The following NEK5 variants were observed in gnomAD, a reference collection of about 807,000 sequenced individuals.
The protein encoded by NEK5 is NIMA related kinase 5.
NEK5 carries 88 observed loss-of-function variants against 109.2 expected under a neutral mutation model. The ratio of observed to expected loss-of-function variants is 0.81; its 90% CI spans 0.68 to 0.96. NEK5 has a LOEUF of 0.96. Among genes scored for constraint, NEK5 ranks in the 40% least tolerant of loss-of-function variants. NEK5 has a pLI of 0.00. For missense variants in NEK5, 834 were observed against 920.7 expected (o/e 0.91, Z 1.22); for synonymous variants, 283 against 299.9 (o/e 0.94, Z 0.58).
rs902098431 is a variant in NEK5 at position 52,099,387 on chromosome 13, C to T, written c.1026+356G>A. ...CTCTACTAAAAGTATAAAAATTAGCCGGGGCCGGGCGCCATGGCTCACACC... is the reference window on the plus strand; with the variant it reads ...CTCTACTAAAAGTATAAAAATTAGCTGGGGCCGGGCGCCATGGCTCACACC... On this transcript the variant is annotated intron_variant, in intron 12 of 23. Coordinates refer to ENST00000684899, the MANE Select transcript of NEK5 (RefSeq NM_001365552.1). Among the ~76,000 whole-genome samples, 14 of 151,690 alleles carry T rather than the reference C, an allele frequency of 9.2e-5. No homozygotes were observed. The East Asian group carries it at 2.1e-3, about 23-fold the overall frequency.
chr13:52,111,215 T>C (rs750235125), intron 5 of NEK5, among the ~76,000 whole-genome samples: 1 of 152,164 alleles, frequency 6.6e-6, no homozygotes, highest in Non-Finnish European at 1.5e-5. Context: ...ATTCTAAAAT[T>C]TCACTGGTTC....
chr13:52,062,556 G>T (rs1954622552), intron 21 of NEK5, among the ~76,000 whole-genome samples: 1 of 151,978 alleles, frequency 6.6e-6, no homozygotes, highest in South Asian at 2.1e-4. Flanking sequence ...GAGTAGCTGG[G>T]ATTACAGGTG....
chr13:52,071,009 G>A (rs1954775187), intron 20 of NEK5, among the ~76,000 whole-genome samples: 1 of 152,140 alleles, frequency 6.6e-6, no homozygotes, highest in Non-Finnish European at 1.5e-5. Flanking sequence ...CCAGAAGGTG[G>A]CAGCAACAGC....
intron 23 of NEK5, among the ~76,000 whole-genome samples, chr13:52,040,505 C>G (rs1405694443): frequency 6.6e-6 from 1 of 152,162 alleles, no homozygotes; most frequent in African/African-American, 2.4e-5. Flanking sequence ...CTAAGAGAAA[C>G]TTCCTGCTCT....
At chr13:52,055,798 C>T (rs1179983947) in intron 22 of NEK5, among the ~76,000 whole-genome samples, 2 of 151,924 alleles carry the variant, frequency 1.3e-5, no homozygotes, top group African/African-American at 2.4e-5. Flanking sequence ...CTGAAGGAAG[C>T]GCTAAACATG....
chr13:52,099,691 A>G, intron 12 of NEK5, 52 bp downstream of exon 12: 1 of 1,574,862 alleles, frequency 6.3e-7, no homozygotes, highest in Non-Finnish European at 8.6e-7. Context: ...CAAACAAACA[A>G]AAAGCATATA....
rs779409958 is a variant in NEK5 at position 52,108,325 on chromosome 13, T to A, written c.547A>T (p.Asn183Tyr). The A allele has an allele frequency of 3.1e-6, 5 of 1,601,470 alleles. No homozygotes were observed. In the South Asian group the frequency reaches 5.6e-5, roughly 18 times the overall value. Residue 183 changes from asparagine to tyrosine, a missense_variant, in exon 8 of 24, where the codon AAT becomes TAT. Transcript: ENST00000684899. ...TAAGAGTCAGCAACTTACGTTTTAT[T>A]GTTGTAGGGTTTATTCTGACAGATC... ...PEICQNKPYN[N>Y]KTDIWSLGCV...
chr13:52,099,744 G>C lies in NEK5; in HGVS notation c.1025C>G (p.Ser342Cys), dbSNP rs971756628. The C allele has an allele frequency of 3.7e-6, 6 of 1,613,182 alleles. No individual in the cohort carries two copies. The highest frequency in any genetic ancestry group is 1.7e-4 in the Middle Eastern group (1 of 6,058). ...RPPAGAQKAR[S>C]IKMIERPKIA... is the part of the protein sequence containing the mutation. Reference sequence around the variant, plus strand: ...AAAGGAGGGTTTAGAATGACTTACAGATCTGGCCTTCTGGGCTCCAGCTGG... The same window carrying C: ...AAAGGAGGGTTTAGAATGACTTACACATCTGGCCTTCTGGGCTCCAGCTGG... The change falls in exon 12 of 24, where the codon TCT (serine) becomes TGT (cysteine). Residue 342 changes from serine (S) to cysteine (C), a missense_variant and splice_region_variant. By Grantham distance (112) the Ser-to-Cys change is moderately radical. Transcript: ENST00000684899.
intron 13 of NEK5, among the ~76,000 whole-genome samples, chr13:52,091,025 CA>C (rs879501839): frequency 2.4e-3 from 322 of 132,792 alleles, no homozygotes; most frequent in Middle Eastern, 3.9e-3. Context: ...GACTCTGTCT[CA>C]AAAAAAAAAA....
intron 23 of NEK5, among the ~76,000 whole-genome samples, chr13:52,041,728 CA>C (rs60216367): frequency 0.016 from 789 of 48,082 alleles, no homozygotes; most frequent in African/African-American, 0.064. Flanking sequence ...AACTCTGTCT[CA>C]AAAAAAAAAA....
chr13:52,117,810 G>A (rs981987466), intron 4 of NEK5, among the ~76,000 whole-genome samples: 16 of 152,354 alleles, frequency 1.1e-4, no homozygotes, highest in African/African-American at 3.6e-4. Flanking sequence ...ACCAAAGGGA[G>A]CTGTAATTTG....
intron 12 of NEK5, among the ~76,000 whole-genome samples, chr13:52,098,220 C>T (rs532989410): frequency 2.8e-4 from 43 of 151,964 alleles, no homozygotes; most frequent in African/African-American, 9.9e-4. Context: ...CTGAGACATG[C>T]CACTGCCCTC....
intron 23 of NEK5, among the ~76,000 whole-genome samples, chr13:52,041,889 A>G (rs1216837684): frequency 6.6e-6 from 1 of 152,076 alleles, no homozygotes; most frequent in Non-Finnish European, 1.5e-5. Context: ...AGAAAAGCAA[A>G]TATTAAAATT....
At chr13:52,067,618 T>A (rs555784897) in intron 20 of NEK5, among the ~76,000 whole-genome samples, 3 of 151,804 alleles carry the variant, frequency 2.0e-5, no homozygotes, top group African/African-American at 7.2e-5. Flanking sequence ...CTGTGAACCA[T>A]CACTCCAACA....
At position 52,036,726 on chromosome 13, in the gene NEK5, A is replaced by G. The variant is rs187023524; in HGVS notation, c.*222T>C. ...CATGATCTGCCTGCCTTGGCCTCCC[A>G]AAGTGATGAGACTGCCCGGCCTAAG... On this transcript the variant is annotated 3_prime_UTR_variant, in exon 24 of 24. Coordinates refer to ENST00000684899, the MANE Select transcript of NEK5 (RefSeq NM_001365552.1). 1 of 158,166 alleles carries G rather than the reference A, an allele frequency of 6.3e-6. No individual in the cohort carries two copies. Among genetic ancestry groups the G allele is most frequent in the East Asian group, 1.9e-4 (1 of 5,230 alleles). The allele number at this position is 158,166 out of a possible 1,614,324, so 9.8% of individuals were successfully genotyped here. A position where few individuals can be genotyped will look rare whatever the true frequency, so the allele number is the denominator to read the frequency against.
At chr13:52,062,004 G>A (rs1307999072) in intron 21 of NEK5, 51 bp from the exon 22 acceptor site, 1 of 201,530 alleles carries the variant, frequency 5.0e-6, no homozygotes, top group African/African-American at 2.4e-5. Flanking sequence ...ACTGGCATTT[G>A]TATAAGATCA....
At chr13:52,086,036 A>C (rs1955134282) in intron 16 of NEK5, among the ~76,000 whole-genome samples, 1 of 152,210 alleles carries the variant, frequency 6.6e-6, no homozygotes, top group Non-Finnish European at 1.5e-5. Flanking sequence ...AAGTACTTTT[A>C]ATAATAGCCA....
intron 15 of NEK5, 78 bp downstream of exon 15, chr13:52,087,260 A>G: frequency 1.4e-6 from 1 of 727,642 alleles, no homozygotes; most frequent in South Asian, 1.8e-5. Context: ...AGGAAATAGA[A>G]GTAACTCCCT....
chr13:52,128,352 C>G (rs1301804343), intron 1 of NEK5, among the ~76,000 whole-genome samples: 1 of 152,038 alleles, frequency 6.6e-6, no homozygotes, highest in Non-Finnish European at 1.5e-5. Context: ...CATTTGCTGC[C>G]GTCACGTTCA....
Sources: allele counts gnomAD v4.1 joint callset (sites outside exome capture counted in the v4.1 genomes callset), GRCh38; gene constraint gnomAD v4.1.1; transcripts MANE v1.5; gene names NCBI Gene and HGNC (gene_info 2026-07-23, HGNC 2026-07-21).